Variants in CORO2A observed in about 807,000 individuals in gnomAD.
CORO2A encodes coronin 2A, also known as coronin-2A.
A neutral mutation model predicts 62.4 loss-of-function variants in CORO2A; 47 were observed. The ratio of observed to expected loss-of-function variants is 0.75; its 90% CI spans 0.60 to 0.96. CORO2A has a LOEUF of 0.96. Among genes scored for constraint, CORO2A ranks in the 40% least tolerant of loss-of-function variants. CORO2A has a pLI of 0.00. For missense variants in CORO2A, 610 were observed against 684.1 expected, an observed-to-expected ratio of 0.89 and a Z score of 1.21; for synonymous variants, 273 against 268.9, an observed-to-expected ratio of 1.02 and a Z score of -0.15.
At chr9:98,175,494 A>C (rs946904474) in intron 1 of CORO2A, among the ~76,000 whole-genome samples, 1 of 152,216 alleles carries the variant, frequency 6.6e-6, no homozygotes, top group African/African-American at 2.4e-5. Context: ...ACCCGGCTCC[A>C]GTAGGCTCTG....
intron 4 of CORO2A, among the ~76,000 whole-genome samples, chr9:98,134,364 C>G (rs1000063583): frequency 6.6e-6 from 1 of 152,148 alleles, no homozygotes. Context: ...CCCATCCACT[C>G]CGGGCAGGCT....
At chr9:98,183,219 A>G (rs1057090605) in intron 1 of CORO2A, among the ~76,000 whole-genome samples, 26 of 152,190 alleles carry the variant, frequency 1.7e-4, no homozygotes, top group African/African-American at 6.3e-4. Flanking sequence ...CTCTGTTGCT[A>G]CTGATGTGGT....
intron 1 of CORO2A, among the ~76,000 whole-genome samples, chr9:98,163,739 T>TGA (rs1260622991): frequency 1.2e-4 from 16 of 135,950 alleles, no homozygotes; most frequent in Non-Finnish European, 1.8e-4. Context: ...TATGTGTGTG[T>TGA]GTGAGAGAGA....
chr9:98,167,865 T>G (rs1039513595), intron 1 of CORO2A, among the ~76,000 whole-genome samples: 1 of 152,072 alleles, frequency 6.6e-6, no homozygotes, highest in Admixed American at 6.6e-5. Flanking sequence ...AGGGAATGAG[T>G]GCGTAGAGAT....
At chr9:98,126,941 A>C in intron 10 of CORO2A, 118 bp from the exon 11 acceptor site, 1 of 1,133,840 alleles carries the variant, frequency 8.8e-7, no homozygotes, top group Non-Finnish European at 1.3e-6. Flanking sequence ...CCCATGCAAC[A>C]TGTGTGGGAA....
intron 2 of CORO2A, among the ~76,000 whole-genome samples, chr9:98,138,950 G>A (rs905262393): frequency 6.6e-6 from 1 of 151,584 alleles, no homozygotes; most frequent in Non-Finnish European, 1.5e-5. Flanking sequence ...GGGAGGCTGA[G>A]GCAGTAGAAT....
intron 11 of CORO2A, among the ~76,000 whole-genome samples, chr9:98,125,779 G>A (rs1258909432): frequency 1.4e-5 from 2 of 141,408 alleles, no homozygotes; most frequent in Non-Finnish European, 3.0e-5. Context: ...GCGCAGTGGT[G>A]TGATCCTGGC....
At chr9:98,144,800 G>A (rs1375847409) in intron 2 of CORO2A, among the ~76,000 whole-genome samples, 1 of 152,098 alleles carries the variant, frequency 6.6e-6, no homozygotes, top group Non-Finnish European at 1.5e-5. Flanking sequence ...GTAGGCTGGA[G>A]GACAGGGCAA....
At chr9:98,159,190 C>T (rs1422735916) in intron 1 of CORO2A, among the ~76,000 whole-genome samples, 1 of 152,180 alleles carries the variant, frequency 6.6e-6, no homozygotes, top group African/African-American at 2.4e-5. Flanking sequence ...TTCCAAGTAG[C>T]TAGGACTACA....
chr9:98,183,954 C>T (rs1828207466), intron 1 of CORO2A, among the ~76,000 whole-genome samples: 1 of 152,152 alleles, frequency 6.6e-6, no homozygotes, highest in Admixed American at 6.5e-5. Context: ...CAGCAAGACT[C>T]TGTCTTAAAA....
intron 1 of CORO2A, among the ~76,000 whole-genome samples, chr9:98,173,180 AC>A (rs1202455191): frequency 6.6e-6 from 1 of 151,980 alleles, no homozygotes; most frequent in Non-Finnish European, 1.5e-5. Flanking sequence ...GTTGGGCCCC[AC>A]CCTAGAGTTT....
chr9:98,150,499 CA>C (rs1189754164), intron 2 of CORO2A, among the ~76,000 whole-genome samples: 1 of 152,192 alleles, frequency 6.6e-6, no homozygotes, highest in East Asian at 1.9e-4. Context: ...GCTCTCGGCT[CA>C]AAGATCACCT....
chr9:98,169,823 G>A (rs902341784), intron 1 of CORO2A, among the ~76,000 whole-genome samples: 7 of 152,198 alleles, frequency 4.6e-5, no homozygotes, highest in Middle Eastern at 3.4e-3. Flanking sequence ...CAGGTAAGTC[G>A]CTGGGTGGCT....
chr9:98,185,803 G>A (rs6478592), intron 1 of CORO2A, among the ~76,000 whole-genome samples: 53,945 of 152,198 alleles, frequency 0.35, 10,954 homozygotes, highest in African/African-American at 0.57. Flanking sequence ...TGGGCCAGGA[G>A]AGACCCTGGC....
intron 2 of CORO2A, among the ~76,000 whole-genome samples, chr9:98,142,776 G>A (rs1401220943): frequency 6.6e-6 from 1 of 151,884 alleles, no homozygotes; most frequent in Non-Finnish European, 1.5e-5. Context: ...CTCAGCTGAT[G>A]AGGGAAGGCT....
At chr9:98,133,472 T>A (rs1827440166) in intron 4 of CORO2A, among the ~76,000 whole-genome samples, 1 of 152,184 alleles carries the variant, frequency 6.6e-6, no homozygotes, top group Non-Finnish European at 1.5e-5. Context: ...ACATCCATGC[T>A]GGGAGGACCC....
intron 1 of CORO2A, among the ~76,000 whole-genome samples, chr9:98,190,175 G>A (rs1307418488): frequency 6.6e-6 from 1 of 152,222 alleles, no homozygotes; most frequent in South Asian, 2.1e-4. Context: ...ATGAGCCACT[G>A]TGCCTGGCCA....
chr9:98,152,126 G>GTTT (rs3055383), intron 2 of CORO2A, among the ~76,000 whole-genome samples: 47,885 of 141,748 alleles, frequency 0.34, 8,325 homozygotes, highest in East Asian at 0.53. Flanking sequence ...CTCTTTTGCT[G>GTTT]TTTTTTTTTT....
At chr9:98,183,002 G>A (rs1418263432) in intron 1 of CORO2A, among the ~76,000 whole-genome samples, 1 of 152,240 alleles carries the variant, frequency 6.6e-6, no homozygotes, top group Non-Finnish European at 1.5e-5. Flanking sequence ...ACGCCTGTGA[G>A]ATGGGATCAA....
Sources: allele counts gnomAD v4.1 joint callset (sites outside exome capture counted in the v4.1 genomes callset), GRCh38; gene constraint gnomAD v4.1.1; transcripts MANE v1.5; gene names NCBI Gene and HGNC (gene_info 2026-07-23, HGNC 2026-07-21).